Variants in IRAK2 observed in about 807,000 individuals in gnomAD.
The protein encoded by IRAK2 is interleukin-1 receptor-associated kinase-like 2.
A neutral mutation model predicts 72.0 loss-of-function variants in IRAK2; 57 were observed. The ratio of observed to expected loss-of-function variants is 0.79; its 90% CI spans 0.64 to 0.99. IRAK2 has a LOEUF of 0.99. Among genes scored for constraint, IRAK2 ranks in the 50% least tolerant of loss-of-function variants. The probability of loss-of-function intolerance (pLI) is 0.00; values close to 1 mark genes in which losing one functional copy is unlikely to be tolerated. For missense variants in IRAK2, 790 were observed against 794.4 expected (o/e 0.99, Z 0.07); for synonymous variants, 293 against 312.7 (o/e 0.94, Z 0.67).
At chr3:10,167,496 G>A (rs547140715) in intron 1 of IRAK2, among the ~76,000 whole-genome samples, 24 of 151,626 alleles carry the variant, frequency 1.6e-4, no homozygotes, top group East Asian at 1.2e-3. Flanking sequence ...CTCACTGCAA[G>A]CTCCACCTCC....
At chr3:10,197,026 A>G (rs1018733035) in intron 2 of IRAK2, among the ~76,000 whole-genome samples, 1 of 152,158 alleles carries the variant, frequency 6.6e-6, no homozygotes, top group Non-Finnish European at 1.5e-5. Context: ...TAAATAATGC[A>G]TAATGATTTT....
chr3:10,192,387 A>C (rs1697190570), intron 2 of IRAK2, among the ~76,000 whole-genome samples: 1 of 152,168 alleles, frequency 6.6e-6, no homozygotes, highest in Non-Finnish European at 1.5e-5. Flanking sequence ...CACCGTGTGA[A>C]ATGTTCTCAG....
chr3:10,191,489 C>T lies in IRAK2; in HGVS notation c.278-8880C>T, dbSNP rs767417914. ...AGGCCCTGCATGGTCTACCTTTGCC[C>T]GGCTCTTCAACCTCACCTCTACCAC... On this transcript the variant is annotated intron_variant, in intron 2 of 12. Transcript: ENST00000256458. Among the ~76,000 whole-genome samples the T allele has an allele frequency of 7.9e-5, 12 of 152,286 alleles. 1 individual carries two copies. In the South Asian group the frequency reaches 8.3e-4, roughly 11 times the overall value.
At position 10,196,469 on chromosome 3, in the gene IRAK2, G is replaced by T. The variant is rs538831041; in HGVS notation, c.278-3900G>T. Among the ~76,000 whole-genome samples, 4 of 152,352 alleles carry T rather than the reference G, an allele frequency of 2.6e-5. 1 individual carries two copies. In the South Asian group the frequency reaches 8.3e-4, roughly 32 times the overall value. On this transcript the variant is annotated intron_variant, in intron 2 of 12. Transcript: ENST00000256458. ...GTGGAAGGCAGTGGGATGCCATGAG[G>T]CAGACAGTGATCCTGTGATTCCTGC...
chr3:10,185,975 A>G (rs919471357), intron 2 of IRAK2, among the ~76,000 whole-genome samples: 1 of 151,618 alleles, frequency 6.6e-6, no homozygotes, highest in African/African-American at 2.4e-5. Flanking sequence ...AATCTCTTGA[A>G]CCAGGAGGCA....
At chr3:10,199,397 C>T (rs1226737495) in intron 2 of IRAK2, among the ~76,000 whole-genome samples, 1 of 152,174 alleles carries the variant, frequency 6.6e-6, no homozygotes, top group Non-Finnish European at 1.5e-5. Flanking sequence ...GCCTCAGTTT[C>T]CTCATCTCTG....
rs1171297125 is a variant in IRAK2, at chr3:10,165,432, G to GTGTGT, written c.94+384_94+385insTGTGT. On this transcript the variant is annotated intron_variant, in intron 1 of 12. Transcript: ENST00000256458. The stretch of plus-strand genomic sequence containing the variant: ...CCACGGTGCTGTCACTTCTTGGGGG[G>GTGTGT]GTGTGTGTGTGTGTGTGTGTGGTGT... 8.2e-4 allele frequency among the ~76,000 whole-genome samples: 120 copies of GTGTGT among 145,724 alleles called. 2 individuals are homozygous for GTGTGT. The East Asian group carries it at 0.019, about 23-fold the overall frequency.
At chr3:10,178,577 A>G (rs1169097670) in intron 2 of IRAK2, among the ~76,000 whole-genome samples, 4 of 152,170 alleles carry the variant, frequency 2.6e-5, no homozygotes, top group Admixed American at 2.6e-4. Flanking sequence ...ATTATTTCAT[A>G]CCTTTTAAAT....
chr3:10,196,139 G>A (rs553056212), intron 2 of IRAK2, among the ~76,000 whole-genome samples: 39 of 152,342 alleles, frequency 2.6e-4, no homozygotes, highest in African/African-American at 8.9e-4. Flanking sequence ...TTTTGAGACA[G>A]AGTCTTGCTC....
chr3:10,234,452 C>T lies in IRAK2; in HGVS notation c.1273-7C>T. 6.2e-7 allele frequency: 1 copy of T among 1,612,626 alleles called. No individual in the cohort carries two copies. The highest frequency in any genetic ancestry group is 8.5e-7 in the Non-Finnish European group (1 of 1,178,616). ...ACGCAAGGGCGTTTCTACCCTTCTT[C>T]CCACAGAAGGACTTACTCCTCAGTG... On this transcript the variant is annotated splice_polypyrimidine_tract_variant and splice_region_variant and intron_variant, in intron 10 of 12. Coordinates refer to ENST00000256458, the MANE Select transcript of IRAK2 (RefSeq NM_001570.4).
chr3:10,201,735 C>T (rs1021798406), intron 3 of IRAK2, among the ~76,000 whole-genome samples: 1 of 152,248 alleles, frequency 6.6e-6, no homozygotes, highest in African/African-American at 2.4e-5. Context: ...CACCGCCTCA[C>T]CCCTGGAGCC....
rs560571336 is a variant in IRAK2, at chr3:10,194,878, A to G, written c.278-5491A>G. 3.3e-5 allele frequency among the ~76,000 whole-genome samples: 5 copies of G among 152,322 alleles called. No individual in the cohort carries two copies. The East Asian group carries it at 7.7e-4, about 23-fold the overall frequency. On this transcript the variant is annotated intron_variant, in intron 2 of 12. Transcript: ENST00000256458. ...ACCAGAACTTCTTGTTGGGGCTGAC[A>G]TGGGGCTCTGTTGGCTTACATCCGT...
At chr3:10,175,772 C>T (rs1289619634) in intron 1 of IRAK2, among the ~76,000 whole-genome samples, 1 of 151,586 alleles carries the variant, frequency 6.6e-6, no homozygotes, top group Non-Finnish European at 1.5e-5. Flanking sequence ...CGCCTGTAGT[C>T]CCAGCTACTC....
chr3:10,218,552 T>C (rs1420918449), intron 7 of IRAK2, among the ~76,000 whole-genome samples: 1 of 152,008 alleles, frequency 6.6e-6, no homozygotes, highest in Non-Finnish European at 1.5e-5. Flanking sequence ...TGGTGAAGTT[T>C]CCCCTAATAC....
At chr3:10,222,167 C>T (rs772977242) in intron 8 of IRAK2, among the ~76,000 whole-genome samples, 1 of 152,150 alleles carries the variant, frequency 6.6e-6, no homozygotes, top group Non-Finnish European at 1.5e-5. Flanking sequence ...GGATTACAGG[C>T]GTGAGCCACT....
At chr3:10,235,103 G>C (rs554753170) in intron 11 of IRAK2, among the ~76,000 whole-genome samples, 219 of 152,214 alleles carry the variant, frequency 1.4e-3, no homozygotes, top group Admixed American at 2.5e-3. Flanking sequence ...ATGGTGGGGC[G>C]GTCCAGCATG....
At chr3:10,233,345 C>A (rs572372858) in intron 10 of IRAK2, among the ~76,000 whole-genome samples, 2 of 152,074 alleles carry the variant, frequency 1.3e-5, no homozygotes, top group Non-Finnish European at 2.9e-5. Flanking sequence ...AGGCACCGCA[C>A]CTGGCCTACA....
intron 11 of IRAK2, among the ~76,000 whole-genome samples, chr3:10,238,505 A>G (rs554212845): frequency 2.0e-5 from 3 of 152,246 alleles, no homozygotes; most frequent in East Asian, 1.9e-4. Context: ...ACTAATCCCT[A>G]TGGTCAGAGG....
Position 10,222,654 on chromosome 3 carries a change from C to G in IRAK2, c.1032C>G (p.Asp344Glu), listed in dbSNP as rs755296363. ...SNVKSSNVLL[D>E]QNLTPKLAHP... ...TCCACAGCTCTAATGTCTTGCTGGA[C>G]CAAAATCTCACCCCCAAACTTGCTC... The change falls in exon 9 of 13, where the codon GAC becomes GAG. Residue 344 changes from aspartate to glutamate, a missense_variant. By Grantham distance (45) the Asp-to-Glu change is conservative (BLOSUM62 2). Transcript: ENST00000256458. 1.2e-6 allele frequency: 2 copies of G among 1,614,068 alleles called. No individual in the cohort carries two copies. Among genetic ancestry groups the G allele is most frequent in the Non-Finnish European group, 8.5e-7 (1 of 1,179,976 alleles).
Sources: gnomAD v4.1 joint callset for allele counts (sites outside exome capture counted in the v4.1 genomes callset) on GRCh38, gnomAD v4.1.1 for gene constraint, MANE v1.5 for transcripts, NCBI Gene and HGNC (gene_info 2026-07-23, HGNC 2026-07-21) for gene names.